The following MACF1 variants were observed in gnomAD, a reference collection of about 807,000 sequenced individuals.
MACF1 encodes microtubule actin crosslinking factor 1, also known as microtubule-actin cross-linking factor 1.
A neutral mutation model predicts 854.8 loss-of-function variants in MACF1; 193 were observed. That is an observed-to-expected ratio of 0.23 (90% CI 0.20 to 0.25). The LOEUF is 0.25. Ranked by LOEUF, MACF1 falls within the 10% of genes least tolerant of loss-of-function variation. The pLI, the probability that MACF1 is intolerant of heterozygous loss-of-function variation, is 1.00. For missense variants in MACF1, 7,722 were observed against 8,929.1 expected (o/e 0.86, Z 5.45); for synonymous variants, 3,185 against 3,226.7 (o/e 0.99, Z 0.44).
Position 39,331,465 on chromosome 1 carries a change from C to T in MACF1, c.4877C>T (p.Thr1626Ile), listed in dbSNP as rs745526080. The change falls in exon 37 of 101, where the codon ACT becomes ATT. Residue 1626 changes from threonine to isoleucine, a missense_variant. By Grantham distance (89) the Thr-to-Ile change is moderately conservative. Coordinates refer to ENST00000564288, the MANE Select transcript of MACF1 (RefSeq NM_001394062.1). ...QDALALISRL[T>I]ESRGPLSVVE... ...GCCCTGGCCTTAATAAGCAGGCTTACTGAGAGCAGAGGCCCTCTTTCTGTG... is the reference window on the plus strand; with the variant it reads ...GCCCTGGCCTTAATAAGCAGGCTTATTGAGAGCAGAGGCCCTCTTTCTGTG... The T allele has an allele frequency of 6.2e-7, 1 of 1,614,166 alleles. No individual in the cohort carries two copies. The highest frequency in any genetic ancestry group is 8.5e-7 in the Non-Finnish European group (1 of 1,180,022).
chr1:39,330,868 C>T (rs1339593661), intron 36 of MACF1, among the ~76,000 whole-genome samples: 1 of 149,848 alleles, frequency 6.7e-6, no homozygotes, highest in Non-Finnish European at 1.5e-5. Flanking sequence ...GTGATGCAAT[C>T]TCAGCTCACT....
intron 2 of MACF1, among the ~76,000 whole-genome samples, chr1:39,163,340 C>CAAAAAAAAAAAAAAAAAA (rs11371076): frequency 1.6e-4 from 13 of 80,294 alleles, no homozygotes; most frequent in Admixed American, 3.3e-4. Flanking sequence ...AAGACTGTCT[C>CAAAAAAAAAAAAAAAAAA]AAAAAAAAAA....
chr1:39,251,838 G>T lies in MACF1; in HGVS notation c.262-8G>T. 1 of 1,384,748 alleles carries T rather than the reference G, an allele frequency of 7.2e-7. No homozygotes were observed. Among genetic ancestry groups the T allele is most frequent in the Non-Finnish European group, 9.4e-7 (1 of 1,065,194 alleles). The allele number at this position is 1,384,748 out of a possible 1,614,324, so 85.8% of individuals were successfully genotyped here. A position where few individuals can be genotyped will look rare whatever the true frequency, so the allele number is the denominator to read the frequency against. ...CTATTGTGTCTTTGCCTTGGTTGGT[G>T]GCCAAAGGAGCCAGCAGGGCTGAAG... On this transcript the variant is annotated splice_polypyrimidine_tract_variant and splice_region_variant and intron_variant, in intron 3 of 100. Transcript: ENST00000564288.
At chr1:39,422,638 C>G in intron 59 of MACF1, 92 bp from the exon 60 acceptor site, 2 of 1,532,616 alleles carry the variant, frequency 1.3e-6, no homozygotes, top group South Asian at 2.5e-5. Flanking sequence ...AAAAATTTAG[C>G]AGTTGCAATC....
At chr1:39,091,080 T>A (rs1419781120) in intron 2 of MACF1, among the ~76,000 whole-genome samples, 2 of 152,158 alleles carry the variant, frequency 1.3e-5, no homozygotes, top group African/African-American at 4.8e-5. Context: ...ACAGGGAAGG[T>A]CTGAAGCCCC....
intron 18 of MACF1, among the ~76,000 whole-genome samples, chr1:39,294,208 G>A (rs775453518): frequency 2.6e-5 from 4 of 151,960 alleles, no homozygotes; most frequent in Admixed American, 6.5e-5. Flanking sequence ...CAATCTCTTC[G>A]TTTGTAAAAA....
At chr1:39,414,193 G>T in intron 58 of MACF1, 1 of 1,613,416 alleles carries the variant, frequency 6.2e-7, no homozygotes, top group Admixed American at 1.7e-5. Context: ...TGCCATCCCT[G>T]CTGCTTCAGT....
chr1:39,423,174 G>A (rs1643604046), intron 60 of MACF1, among the ~76,000 whole-genome samples: 1 of 151,974 alleles, frequency 6.6e-6, no homozygotes, highest in Non-Finnish European at 1.5e-5. Flanking sequence ...TGTTTTCAGG[G>A]TCAGCAATAT....
intron 60 of MACF1, among the ~76,000 whole-genome samples, chr1:39,423,795 G>T (rs1643634485): frequency 6.6e-6 from 1 of 151,830 alleles, no homozygotes; most frequent in African/African-American, 2.4e-5. Flanking sequence ...GAAGTTCCCT[G>T]TTAGTCACAT....
chr1:39,444,986 G>A (rs1052896742), intron 80 of MACF1, 151 bp downstream of exon 80: 3 of 606,592 alleles, frequency 4.9e-6, no homozygotes, highest in East Asian at 2.9e-5. Context: ...TGCATTGATG[G>A]TATAAGTTTC....
At chr1:39,130,556 C>G (rs1285563173) in intron 2 of MACF1, among the ~76,000 whole-genome samples, 1 of 152,158 alleles carries the variant, frequency 6.6e-6, no homozygotes, top group Non-Finnish European at 1.5e-5. Context: ...TTGTTCAGAT[C>G]AAGTTTCCTG....
intron 58 of MACF1, among the ~76,000 whole-genome samples, chr1:39,393,546 C>A (rs962934659): frequency 6.6e-6 from 1 of 152,050 alleles, no homozygotes; most frequent in Non-Finnish European, 1.5e-5. Context: ...CAGTGGCTCA[C>A]ACCTATAATC....
Position 39,209,219 on chromosome 1 carries a change from TA to T in MACF1, c.109+4102del, listed in dbSNP as rs111250963. ...TGGGCAACAAGAGTGAAACTCCATC[TA>T]AAAAAAAAAAAAATCAGTAAATATT... On this transcript the variant is annotated intron_variant, in intron 1 of 100. Transcript: ENST00000564288. Among the ~76,000 whole-genome samples, 654 of 139,434 alleles carry T rather than the reference TA, an allele frequency of 4.7e-3. 1 individual carries two copies. Among genetic ancestry groups the T allele is most frequent in the African/African-American group, 4.0e-3 (153 of 38,050 alleles). The allele number at this position is 139,434 out of a possible 152,430, so 91.5% of individuals were successfully genotyped here. A position where few individuals can be genotyped will look rare whatever the true frequency, so the allele number is the denominator to read the frequency against.
chr1:39,324,141 C>G, intron 33 of MACF1, 52 bp from the exon 34 acceptor site: 1 of 1,522,470 alleles, frequency 6.6e-7, no homozygotes, highest in Non-Finnish European at 8.8e-7. Context: ...GAAGTCGTGC[C>G]AGCCTAATAA....
At chr1:39,320,883 T>C (rs1646501899) in intron 31 of MACF1, among the ~76,000 whole-genome samples, 1 of 152,138 alleles carries the variant, frequency 6.6e-6, no homozygotes, top group Admixed American at 6.5e-5. Flanking sequence ...GGTAGGAGGC[T>C]CACTTGAGCC....
At position 39,350,787 on chromosome 1, in the gene MACF1, T is replaced by C; in HGVS notation, c.10968T>C (p.Asp3656=). 6.2e-7 allele frequency: 1 copy of C among 1,612,458 alleles called. No individual in the cohort carries two copies. The highest frequency in any genetic ancestry group is 1.7e-5 in the Admixed American group (1 of 60,000). The part of the protein sequence containing the change: ...ALQKNQSDLK[D]LQDDIQNRAT... ...CATTCCTATTTTCTTGTGTTAAGGA[T>C]TTACAGGATGACATTCAGAATCGTG... Residue 3656 remains aspartate, a splice_region_variant and synonymous_variant, in exon 43 of 101, where the codon GAT becomes GAC. Transcript: ENST00000564288.
intron 58 of MACF1, among the ~76,000 whole-genome samples, chr1:39,399,298 AC>A (rs546042956): frequency 9.4e-5 from 14 of 149,244 alleles, no homozygotes; most frequent in Middle Eastern, 3.6e-3. Flanking sequence ...ACATCCAGTT[AC>A]CCCAGACACT....
intron 26 of MACF1, among the ~76,000 whole-genome samples, chr1:39,314,505 T>G (rs1315630067): frequency 6.6e-6 from 1 of 151,640 alleles, no homozygotes; most frequent in Non-Finnish European, 1.5e-5. Context: ...TACGTAAGTT[T>G]ACAGATATAG....
chr1:39,482,166 A>C (rs557998102), intron 99 of MACF1, among the ~76,000 whole-genome samples: 1 of 151,994 alleles, frequency 6.6e-6, no homozygotes, highest in East Asian at 1.9e-4. Context: ...ATCTTTCCTT[A>C]CTTATTGGTG....
Sources: gnomAD v4.1 joint callset for allele counts (sites outside exome capture counted in the v4.1 genomes callset) on GRCh38, gnomAD v4.1.1 for gene constraint, MANE v1.5 for transcripts, NCBI Gene and HGNC (gene_info 2026-07-23, HGNC 2026-07-21) for gene names.